Variants in ZNF585A observed in about 807,000 individuals in gnomAD.
The protein encoded by ZNF585A is zinc finger protein 585A.
In ZNF585A, 9 loss-of-function variants were observed where a neutral mutation model predicts 14.9. That is an observed-to-expected ratio of 0.60 (90% CI 0.36 to 1.05). ZNF585A has a LOEUF of 1.05. Among genes scored for constraint, ZNF585A ranks in the 50% least tolerant of loss-of-function variants. ZNF585A has a pLI of 0.01. For synonymous variants in ZNF585A, 276 were observed against 319.9 expected (o/e 0.86, Z 1.46); for missense variants, 726 against 926.4 (o/e 0.78, Z 2.81).
chr19:37,155,736 C>T, intron 4 of ZNF585A, 129 bp downstream of exon 4: 1 of 965,904 alleles, frequency 1.0e-6, no homozygotes. Context: ...GGGCATCAAG[C>T]AATACAAAAA....
chr19:37,171,830 T>A (rs1054800466), intron 1 of ZNF585A, among the ~76,000 whole-genome samples: 1 of 151,480 alleles, frequency 6.6e-6, no homozygotes, highest in African/African-American at 2.4e-5. Flanking sequence ...TTGAACCCAC[T>A]AGGCAGAGGT....
chr19:37,155,706 A>C (rs547319819), intron 4 of ZNF585A, among the ~76,000 whole-genome samples, 159 bp downstream of exon 4: 1 of 152,294 alleles, frequency 6.6e-6, no homozygotes, highest in South Asian at 2.1e-4. Context: ...GAATGCATTT[A>C]GTGATCTGAG....
intron 2 of ZNF585A, among the ~76,000 whole-genome samples, chr19:37,158,602 A>C (rs79615285): frequency 0.014 from 2,140 of 152,350 alleles, 17 homozygotes; most frequent in African/African-American, 0.026. Flanking sequence ...CTTCTTCAAA[A>C]AATTACAAGA....
At position 37,152,545 on chromosome 19, in the gene ZNF585A, G is replaced by A; in HGVS notation, c.1354C>T (p.Gln452Ter). The A allele has an allele frequency of 1.9e-6, 3 of 1,614,124 alleles. No individual in the cohort carries two copies. Among genetic ancestry groups the A allele is most frequent in the Non-Finnish European group, 2.5e-6 (3 of 1,180,034 alleles). ...TGAATTCGTTTATGAACATGGAGTT[G>A]CGACTTGGAGGTAAACAATTTCCCA... ...HCGKLFTSKS[Q>*]LHVHKRIHTG... is the part of the protein sequence containing the mutation. Residue 452 changes from glutamine to a stop codon, truncating the protein, a stop_gained, in exon 5 of 5, where the codon CAA becomes TAA. Transcript: ENST00000292841. LOFTEE classifies it low-confidence loss of function (END_TRUNC).
chr19:37,164,818 C>G (rs1972062301), intron 2 of ZNF585A, among the ~76,000 whole-genome samples: 1 of 152,018 alleles, frequency 6.6e-6, no homozygotes, highest in Non-Finnish European at 1.5e-5. Context: ...ATCACAGGTG[C>G]CCCACCACCA....
rs529714291 is a variant in ZNF585A, at chr19:37,150,460, G to C, written c.*1129C>G. 2 of 152,340 alleles carry C rather than the reference G, an allele frequency of 1.3e-5. No individual in the cohort carries two copies. The highest frequency in any genetic ancestry group is 3.9e-4 in the East Asian group (2 of 5,178). The allele number at this position is 152,340 out of a possible 1,614,324, so 9.4% of individuals were successfully genotyped here. A position where few individuals can be genotyped will look rare whatever the true frequency, so the allele number is the denominator to read the frequency against. On this transcript the variant is annotated 3_prime_UTR_variant, in exon 5 of 5. Transcript: ENST00000292841. ...AAGTGGTCATCACACAGAATGGAGA[G>C]TGGACCTTACTAGACATTGTCACAA... is the stretch of plus-strand genomic sequence containing the variant.
chr19:37,165,192 T>TA (rs1254856201), intron 2 of ZNF585A, among the ~76,000 whole-genome samples: 4 of 151,996 alleles, frequency 2.6e-5, no homozygotes, highest in Admixed American at 6.6e-5. Context: ...ACCCCGTGTC[T>TA]ACTAAAAAAA....
Position 37,151,744 on chromosome 19 carries a change from CG to C in ZNF585A, c.2154del (p.Tyr718Ter). On this transcript the variant is annotated frameshift_variant, in exon 5 of 5. Coordinates refer to ENST00000292841, the MANE Select transcript of ZNF585A (RefSeq NM_001288800.2). LOFTEE classifies it high-confidence loss of function. ...HQRIHTGEKP[Y>X]VCAECGKAFT... is the part of the protein sequence containing the mutation. ...AAGGCCTTCCCACACTCAGCACACA[CG>C]TAAGGCTTCTCTCCAGTGTGAATTC... 1.2e-6 allele frequency: 2 copies of C among 1,614,016 alleles called. No homozygotes were observed. Among genetic ancestry groups the C allele is most frequent in the South Asian group, 1.1e-5 (1 of 91,070 alleles).
rs746731766 is a variant in ZNF585A at position 37,151,706 on chromosome 19, G to A, written c.2193C>T (p.Ser731=). 2 of 1,614,110 alleles carry A rather than the reference G, an allele frequency of 1.2e-6. No individual in the cohort carries two copies. The highest frequency in any genetic ancestry group is 1.7e-5 in the Admixed American group (1 of 60,024). Residue 731 remains serine, a synonymous_variant, in exon 5 of 5, where the codon TCC becomes TCT. Transcript: ENST00000292841. ...AECGKAFTDR[S]NLNKHQTTHT... ...GTGTTGTCTGATGTTTATTCAAATT[G>A]GACCTGTCAGTAAAGGCCTTCCCAC... is the stretch of plus-strand genomic sequence containing the variant.
intron 2 of ZNF585A, among the ~76,000 whole-genome samples, chr19:37,167,589 T>TTTATTTTATTTTATTTTATTTTATTTTA (rs1555777111): frequency 6.9e-6 from 1 of 144,086 alleles, no homozygotes; most frequent in African/African-American, 2.7e-5. Context: ...TTACTTTTTA[T>TTTATTTTATTTTATTTTATTTTATTTTA]TTTTATTTTA....
rs866889712 is a variant in ZNF585A at position 37,153,456 on chromosome 19, T to G, written c.443A>C (p.His148Pro). ...CTTTTCTCCTGCAAGAACTTTCAGG[T>G]GTACTTTGAGCTGTGACTTCTGGGT... ...IFTQKSQLKVHLKVLAGEKLY... is the reference protein window; with the variant it reads ...IFTQKSQLKVPLKVLAGEKLY... The change falls in exon 5 of 5, where the codon CAC becomes CCC. Residue 148 changes from histidine to proline, a missense_variant. His to Pro is a moderately conservative substitution (Grantham distance 77). Around this residue, in one of 2 missense-constraint regions of ZNF585A, gnomAD observed 483 missense variants for 542.8 expected, o/e 0.89. Transcript: ENST00000292841. 5.5e-5 allele frequency: 88 copies of G among 1,614,064 alleles called. No homozygotes were observed. The highest frequency in any genetic ancestry group is 7.5e-5 in the Non-Finnish European group (88 of 1,180,034).
chr19:37,170,759 C>T (rs890766014), intron 1 of ZNF585A, among the ~76,000 whole-genome samples: 8 of 152,222 alleles, frequency 5.3e-5, no homozygotes, highest in Non-Finnish European at 1.2e-4. Flanking sequence ...CAGGCGTGAG[C>T]CACTGCGCCC....
At chr19:37,163,427 C>A (rs1972039931) in intron 2 of ZNF585A, among the ~76,000 whole-genome samples, 2 of 139,486 alleles carry the variant, frequency 1.4e-5, no homozygotes, top group Non-Finnish European at 3.1e-5. Flanking sequence ...AATAAATTAA[C>A]AGAACTCAGT....
intron 2 of ZNF585A, among the ~76,000 whole-genome samples, chr19:37,157,447 T>C (rs917624993): frequency 3.3e-5 from 5 of 152,194 alleles, no homozygotes; most frequent in African/African-American, 1.2e-4. Flanking sequence ...CTGAAGTTTT[T>C]TAAAAAAGAA....
At chr19:37,153,671 T>A in intron 4 of ZNF585A, 65 bp from the exon 5 acceptor site, 1 of 1,304,832 alleles carries the variant, frequency 7.7e-7, no homozygotes. Flanking sequence ...TTTTTAACAT[T>A]CTTTGAAGGA....
intron 2 of ZNF585A, among the ~76,000 whole-genome samples, chr19:37,168,182 T>G (rs1228674219): frequency 4.6e-5 from 7 of 152,256 alleles, no homozygotes; most frequent in Non-Finnish European, 7.3e-5. Context: ...TAAGTGATTT[T>G]CACCTTAAAT....
chr19:37,156,349 C>T lies in ZNF585A; in HGVS notation c.79G>A (p.Val27Met). 1.2e-6 allele frequency: 2 copies of T among 1,614,182 alleles called. No homozygotes were observed. The highest frequency in any genetic ancestry group is 1.7e-6 in the Non-Finnish European group (2 of 1,180,030). Residue 27 changes from valine to methionine, a missense_variant, in exon 3 of 5, where the codon GTG becomes ATG. By Grantham distance (21) the Val-to-Met change is conservative. This residue lies in a region of ZNF585A where 483 missense variants were observed against 542.8 expected (regional missense o/e 0.89). Coordinates refer to ENST00000292841, the MANE Select transcript of ZNF585A (RefSeq NM_001288800.2). ...TCGATAGCCACATCCCTGAAGGACA[C>T]TGATCCCTGTAAGGGCAAATTCTTG... ...EDHGSSYEGS[V>M]SFRDVAIDFS...
In ZNF585A at chr19:37,155,932, C is replaced by T; in HGVS notation, c.225G>A (p.Val75=). 1.9e-6 allele frequency: 3 copies of T among 1,613,096 alleles called. No individual in the cohort carries two copies. Among genetic ancestry groups the T allele is most frequent in the Non-Finnish European group, 2.5e-6 (3 of 1,180,002 alleles). ...GTTCCTTTCCTTGCTCCAACATGAC[C>T]ACCTCTGCTTCAGGAACTTGATATC... The part of the protein sequence containing the change: ...SVGYQVPEAE[V]VMLEQGKEPW... The change falls in exon 4 of 5, where the codon GTG becomes GTA. Residue 75 remains valine, a synonymous_variant. Coordinates refer to ENST00000292841, the MANE Select transcript of ZNF585A (RefSeq NM_001288800.2).
At chr19:37,160,907 G>A (rs757850863) in intron 2 of ZNF585A, among the ~76,000 whole-genome samples, 21 of 151,284 alleles carry the variant, frequency 1.4e-4, no homozygotes, top group African/African-American at 1.7e-4. Context: ...TTGCTCTGTC[G>A]TCCAGGCTGA....
Sources: gnomAD v4.1 joint callset for allele counts (sites outside exome capture counted in the v4.1 genomes callset) on GRCh38, gnomAD v4.1.1 for gene constraint, gnomAD v4.1.1 regional missense constraint, MANE v1.5 for transcripts, NCBI Gene and HGNC (gene_info 2026-07-23, HGNC 2026-07-21) for gene names.